SPATA16: variants seen among roughly 807,000 people sequenced by gnomAD.
SPATA16 encodes spermatogenesis-associated protein 16.
A neutral mutation model predicts 63.3 loss-of-function variants in SPATA16; 36 were observed. The observed-to-expected ratio is 0.57, with a 90% CI of 0.44 to 0.75. SPATA16 has a LOEUF of 0.75. Ranked by LOEUF, SPATA16 falls within the 30% of genes least tolerant of loss-of-function variation. SPATA16 has a pLI of 0.00. For synonymous variants in SPATA16, 203 were observed against 216.7 expected, an observed-to-expected ratio of 0.94 and a Z score of 0.56; for missense variants, 646 against 679.3, an observed-to-expected ratio of 0.95 and a Z score of 0.54.
chr3:173,015,284 G>A (rs1262603626), intron 4 of SPATA16, among the ~76,000 whole-genome samples: 3 of 152,028 alleles, frequency 2.0e-5, no homozygotes, highest in Non-Finnish European at 2.9e-5. Context: ...GGCTGCTCTC[G>A]AACTCTTGGC....
At chr3:172,921,815 A>G (rs536004281) in intron 8 of SPATA16, among the ~76,000 whole-genome samples, 5 of 152,206 alleles carry the variant, frequency 3.3e-5, no homozygotes, top group Non-Finnish European at 7.4e-5. Flanking sequence ...TTATCAGCCT[A>G]TTTTATAAAT....
At chr3:173,026,994 A>G (rs1381413064) in intron 3 of SPATA16, among the ~76,000 whole-genome samples, 4 of 151,888 alleles carry the variant, frequency 2.6e-5, no homozygotes, top group African/African-American at 9.7e-5. Context: ...GTGTATAGAA[A>G]ACTTTAAGAT....
intron 6 of SPATA16, among the ~76,000 whole-genome samples, chr3:172,953,515 G>A (rs954637918): frequency 3.9e-5 from 6 of 152,144 alleles, no homozygotes; most frequent in East Asian, 1.9e-4. Flanking sequence ...CAACTGGTAC[G>A]GTAAGGGTGG....
At chr3:172,943,204 A>G (rs367674400) in intron 6 of SPATA16, among the ~76,000 whole-genome samples, 2 of 152,342 alleles carry the variant, frequency 1.3e-5, no homozygotes, top group South Asian at 2.1e-4. Flanking sequence ...AAAAGGATGC[A>G]ATAGAAAGGT....
chr3:172,928,558 T>C (rs561559286), intron 6 of SPATA16, among the ~76,000 whole-genome samples: 1 of 152,190 alleles, frequency 6.6e-6, no homozygotes. Context: ...TGTAGATAGA[T>C]AGCATAAAGA....
intron 3 of SPATA16, among the ~76,000 whole-genome samples, chr3:173,038,195 T>C (rs560526923): frequency 2.5e-4 from 38 of 152,176 alleles, no homozygotes; most frequent in Non-Finnish European, 4.0e-4. Context: ...GAGTCTTTTT[T>C]TTATCTCCTC....
At chr3:173,068,080 A>G (rs543552771) in intron 2 of SPATA16, among the ~76,000 whole-genome samples, 240 of 145,234 alleles carry the variant, frequency 1.7e-3, no homozygotes, top group African/African-American at 5.1e-3. Context: ...CTGGTCTTAA[A>G]AGAAGTGCTA....
intron 10 of SPATA16, among the ~76,000 whole-genome samples, chr3:172,908,868 C>A (rs992102880): frequency 2.0e-5 from 3 of 151,324 alleles, no homozygotes; most frequent in Admixed American, 6.6e-5. Flanking sequence ...TTTTTCTGCA[C>A]ACGCAAATTA....
intron 2 of SPATA16, among the ~76,000 whole-genome samples, chr3:173,057,790 C>T (rs964698793): frequency 2.0e-5 from 3 of 152,164 alleles, no homozygotes; most frequent in African/African-American, 7.2e-5. Flanking sequence ...AACAGAAAAA[C>T]ATTACATCTA....
chr3:173,017,782 C>T (rs1316608206), intron 4 of SPATA16, among the ~76,000 whole-genome samples: 3 of 152,174 alleles, frequency 2.0e-5, no homozygotes, highest in Non-Finnish European at 2.9e-5. Context: ...AATACACCAC[C>T]TCTTAATGGA....
intron 2 of SPATA16, among the ~76,000 whole-genome samples, chr3:173,091,530 C>T (rs1314901325): frequency 1.3e-5 from 2 of 152,050 alleles, no homozygotes; most frequent in Non-Finnish European, 2.9e-5. Context: ...TTTGTTTCCT[C>T]ATTGTAAAGT....
At chr3:172,942,914 CTGTG>C (rs141757831) in intron 6 of SPATA16, among the ~76,000 whole-genome samples, 13,331 of 152,074 alleles carry the variant, frequency 0.088, 1,943 homozygotes, top group African/African-American at 0.3. Flanking sequence ...ACATTAAAAA[CTGTG>C]TATTTAAGTA....
chr3:173,086,985 C>G (rs1737075872), intron 2 of SPATA16, among the ~76,000 whole-genome samples: 1 of 152,018 alleles, frequency 6.6e-6, no homozygotes, highest in Non-Finnish European at 1.5e-5. Context: ...CATGTGGAGC[C>G]AAGAAGAATG....
chr3:172,987,204 C>T (rs1007214969), intron 4 of SPATA16, among the ~76,000 whole-genome samples: 1 of 152,216 alleles, frequency 6.6e-6, no homozygotes, highest in Non-Finnish European at 1.5e-5. Context: ...ATGGGCTCGG[C>T]CTGAAGCCAA....
At chr3:173,023,137 ATGTGTGTGTGTGTG>A (rs11282206) in intron 3 of SPATA16, among the ~76,000 whole-genome samples, 4 of 139,866 alleles carry the variant, frequency 2.9e-5, no homozygotes, top group Admixed American at 7.2e-5. Context: ...ATGCTTGTGT[ATGTGTGTGTGTGTG>A]TGTGTGTGTG....
chr3:172,916,102 A>G (rs1439461482), intron 9 of SPATA16, among the ~76,000 whole-genome samples: 3 of 152,208 alleles, frequency 2.0e-5, no homozygotes, highest in Admixed American at 6.5e-5. Context: ...TTTTGCTGTA[A>G]TAATGGAAGC....
chr3:173,047,390 C>T (rs1436035050), intron 3 of SPATA16, among the ~76,000 whole-genome samples: 2 of 151,796 alleles, frequency 1.3e-5, no homozygotes, highest in East Asian at 1.9e-4. Flanking sequence ...GCCATGTAGG[C>T]GGCCCTTTTT....
intron 4 of SPATA16, among the ~76,000 whole-genome samples, chr3:173,002,059 T>C (rs1734840068): frequency 6.6e-6 from 1 of 152,222 alleles, no homozygotes; most frequent in Admixed American, 6.5e-5. Flanking sequence ...ATTATTTTTA[T>C]ATCAGTATGG....
intron 2 of SPATA16, among the ~76,000 whole-genome samples, chr3:173,100,577 C>A (rs1247870705): frequency 3.3e-5 from 5 of 149,890 alleles, no homozygotes; most frequent in African/African-American, 1.2e-4. Flanking sequence ...AACATGCCAA[C>A]AAATAATTAT....
Sources: allele counts gnomAD v4.1 joint callset (sites outside exome capture counted in the v4.1 genomes callset), GRCh38; gene constraint gnomAD v4.1.1; transcripts MANE v1.5; gene names NCBI Gene and HGNC (gene_info 2026-07-23, HGNC 2026-07-21).